Variants in TAX1BP1 observed in about 807,000 individuals in gnomAD.
TAX1BP1 encodes Tax1 binding protein 1, also known as tax1-binding protein 1.
In TAX1BP1, 62 loss-of-function variants were observed where a neutral mutation model predicts 97.7. The ratio of observed to expected loss-of-function variants is 0.63; its 90% CI spans 0.52 to 0.78. The LOEUF (loss-of-function observed/expected upper bound fraction) is 0.78, where lower values mean the gene tolerates loss of function less well. TAX1BP1 is among the 30% of genes least tolerant of loss of function. The pLI, the probability that TAX1BP1 is intolerant of heterozygous loss-of-function variation, is 0.00. For synonymous variants in TAX1BP1, 340 were observed against 304.2 expected, an observed-to-expected ratio of 1.12 and a Z score of -1.23; for missense variants, 867 against 916.1, an observed-to-expected ratio of 0.95 and a Z score of 0.69.
At chr7:27,824,430 G>T (rs568933590) in intron 15 of TAX1BP1, among the ~76,000 whole-genome samples, 1 of 151,148 alleles carries the variant, frequency 6.6e-6, no homozygotes, top group African/African-American at 2.4e-5. Context: ...GGTACACGCC[G>T]GTAGTCCTAG....
chr7:27,828,864 TAAAAA>T lies in TAX1BP1; in HGVS notation c.*48_*52del, dbSNP rs34270007. The T allele has an allele frequency of 4.0e-5, 40 of 988,858 alleles. No individual in the cohort carries two copies. The highest frequency in any genetic ancestry group is 1.5e-4 in the African/African-American group (8 of 54,592). The allele number at this position is 988,858 out of a possible 1,614,324, so 61.3% of individuals were successfully genotyped here. On this transcript the variant is annotated 3_prime_UTR_variant, in exon 17 of 17. Coordinates refer to ENST00000396319, the MANE Select transcript of TAX1BP1 (RefSeq NM_006024.7). Reference sequence around the variant, plus strand: ...ATTATGAGTTAATATAGTTTAGCAGTAAAAAAAAAAAAAAAAACCACACCTAAAAT... The same window carrying T: ...ATTATGAGTTAATATAGTTTAGCAGTAAAAAAAAAAAACCACACCTAAAAT...
intron 15 of TAX1BP1, among the ~76,000 whole-genome samples, chr7:27,819,708 A>G (rs1438004451): frequency 6.6e-6 from 1 of 152,192 alleles, no homozygotes; most frequent in Non-Finnish European, 1.5e-5. Context: ...TAACCCCATC[A>G]TAAGTTGAGG....
intron 2 of TAX1BP1, among the ~76,000 whole-genome samples, chr7:27,756,632 C>T (rs1401865011): frequency 1.3e-5 from 2 of 152,130 alleles, no homozygotes; most frequent in Non-Finnish European, 2.9e-5. Context: ...TGACCTCACA[C>T]CCTATGCTCT....
chr7:27,780,292 G>A (rs1390761757), intron 5 of TAX1BP1, among the ~76,000 whole-genome samples: 4 of 152,096 alleles, frequency 2.6e-5, no homozygotes, highest in Non-Finnish European at 5.9e-5. Flanking sequence ...AAAATTTTCA[G>A]TTATTATTTT....
chr7:27,822,062 G>A (rs974835084), intron 15 of TAX1BP1, among the ~76,000 whole-genome samples: 5 of 152,138 alleles, frequency 3.3e-5, no homozygotes, highest in African/African-American at 4.8e-5. Flanking sequence ...TCCAAAATCC[G>A]AAACTGAGTG....
intron 13 of TAX1BP1, among the ~76,000 whole-genome samples, chr7:27,800,529 C>T (rs981807686): frequency 6.6e-6 from 1 of 151,606 alleles, no homozygotes; most frequent in African/African-American, 2.4e-5. Flanking sequence ...TCAGCCTGGG[C>T]AACATAGGGA....
intron 2 of TAX1BP1, among the ~76,000 whole-genome samples, chr7:27,751,253 T>A (rs1353070521): frequency 1.3e-5 from 2 of 152,142 alleles, no homozygotes; most frequent in Admixed American, 1.3e-4. Flanking sequence ...ACTTTAAAAC[T>A]CAATAGGAAG....
intron 5 of TAX1BP1, among the ~76,000 whole-genome samples, chr7:27,777,121 A>G (rs181295770): frequency 6.6e-6 from 1 of 152,190 alleles, no homozygotes; most frequent in Non-Finnish European, 1.5e-5. Flanking sequence ...TCATTTCTGT[A>G]TCAGTTTTGA....
chr7:27,765,038 C>CG (rs1453264845), intron 3 of TAX1BP1, among the ~76,000 whole-genome samples: 1 of 42 alleles, frequency 0.024, no homozygotes, highest in Non-Finnish European at 0.045. Flanking sequence ...TTTTTTGAGG[C>CG]GGAGTCTCAC....
chr7:27,803,083 A>G (rs776456991), intron 13 of TAX1BP1: 13 of 1,536,458 alleles, frequency 8.5e-6, no homozygotes, highest in Non-Finnish European at 1.1e-5. Flanking sequence ...ATGAAAAAAA[A>G]TAAAGAAATT....
intron 5 of TAX1BP1, among the ~76,000 whole-genome samples, chr7:27,771,233 T>G (rs1486034879): frequency 2.0e-5 from 3 of 150,214 alleles, no homozygotes; most frequent in African/African-American, 7.4e-5. Context: ...TTTGGTAGTT[T>G]TCCAAAGTTT....
At chr7:27,752,663 C>G (rs1221329876) in intron 2 of TAX1BP1, among the ~76,000 whole-genome samples, 1 of 152,062 alleles carries the variant, frequency 6.6e-6, no homozygotes, top group Non-Finnish European at 1.5e-5. Context: ...TTTTTTCACT[C>G]CCTCTGAAGT....
At chr7:27,824,435 T>TC (rs1791092905) in intron 15 of TAX1BP1, among the ~76,000 whole-genome samples, 1 of 150,686 alleles carries the variant, frequency 6.6e-6, no homozygotes, top group African/African-American at 2.4e-5. Flanking sequence ...ACGCCGGTAG[T>TC]CCTAGCTACC....
chr7:27,741,499 CTT>C (rs575515207), intron 1 of TAX1BP1, among the ~76,000 whole-genome samples: 8 of 142,570 alleles, frequency 5.6e-5, no homozygotes, highest in East Asian at 2.0e-4. Context: ...TCATCACGTT[CTT>C]TTTTTTTTTT....
At chr7:27,741,840 G>A (rs951038501) in intron 1 of TAX1BP1, among the ~76,000 whole-genome samples, 2 of 152,188 alleles carry the variant, frequency 1.3e-5, no homozygotes, top group African/African-American at 2.4e-5. Context: ...GATCATTTGT[G>A]GGTGTTTCTC....
In TAX1BP1 at chr7:27,817,004, G is replaced by A. The variant is rs754034753; in HGVS notation, c.2051G>A (p.Arg684Gln). The change falls in exon 15 of 17, where the codon CGG (arginine) becomes CAG (glutamine). Residue 684 changes from arginine to glutamine, a missense_variant. Transcript: ENST00000396319. ...AGCCAGCCTGCTCGAAACTTTAGTCGGCCTGATGGCTTAGAGGACTCTGAG... is the reference window on the plus strand; with the variant it reads ...AGCCAGCCTGCTCGAAACTTTAGTCAGCCTGATGGCTTAGAGGACTCTGAG... Reference protein sequence around the residue: ...VCSQPARNFSRPDGLEDSEDS... With the variant: ...VCSQPARNFSQPDGLEDSEDS... 10 of 1,613,782 alleles carry A rather than the reference G, an allele frequency of 6.2e-6. No homozygotes were observed. The highest frequency in any genetic ancestry group is 2.2e-5 in the South Asian group (2 of 91,074).
intron 8 of TAX1BP1, among the ~76,000 whole-genome samples, chr7:27,789,518 A>G (rs1789619749): frequency 6.6e-6 from 1 of 151,902 alleles, no homozygotes; most frequent in Non-Finnish European, 1.5e-5. Flanking sequence ...GTACATGTAC[A>G]TACATCCTTC....
At chr7:27,787,954 A>G (rs942600645) in intron 8 of TAX1BP1, among the ~76,000 whole-genome samples, 8 of 152,118 alleles carry the variant, frequency 5.3e-5, no homozygotes, top group Non-Finnish European at 1.2e-4. Flanking sequence ...AATAACAGTC[A>G]TTCTCATAGT....
At position 27,766,419 on chromosome 7, in the gene TAX1BP1, CAAAAAAAAAAAAAAAAAAAAAAAAAAA is replaced by C. The variant is rs201297532; in HGVS notation, c.453+418_453+444del. 8.2e-4 allele frequency among the ~76,000 whole-genome samples: 63 copies of C among 76,906 alleles called. 1 individual carries two copies. The highest frequency in any genetic ancestry group is 1.8e-3 in the African/African-American group (30 of 16,332). 50.5% of individuals were successfully genotyped at this position (76,906 alleles called of 152,430 possible). A position where few individuals can be genotyped will look rare whatever the true frequency, so the allele number is the denominator to read the frequency against. ...TGGGCGACAGAGCGAGACTCCGTAT[CAAAAAAAAAAAAAAAAAAAAAAAAAAA>C]AAAAAAAAAAAAAAAAAAATCGAAT... On this transcript the variant is annotated intron_variant, in intron 4 of 16. Coordinates refer to ENST00000396319, the MANE Select transcript of TAX1BP1 (RefSeq NM_006024.7).
Sources: allele counts gnomAD v4.1 joint callset (sites outside exome capture counted in the v4.1 genomes callset), GRCh38; gene constraint gnomAD v4.1.1; transcripts MANE v1.5; gene names NCBI Gene and HGNC (gene_info 2026-07-23, HGNC 2026-07-21).